Variants in PRICKLE1 observed in about 807,000 individuals in gnomAD.
PRICKLE1 encodes the protein prickle-like protein 1.
PRICKLE1 carries 14 observed loss-of-function variants against 70.2 expected under a neutral mutation model. The ratio of observed to expected loss-of-function variants is 0.20; its 90% confidence interval spans 0.13 to 0.31. The LOEUF (loss-of-function observed/expected upper bound fraction) is 0.31. PRICKLE1 is among the 10% of genes least tolerant of loss of function. The pLI is 1.00. For synonymous variants in PRICKLE1, 357 were observed against 379.9 expected (o/e 0.94, Z 0.70); for missense variants, 821 against 1,026.2 (o/e 0.80, Z 2.73).
chr12:42,493,186 A>T (rs1350532714), intron 1 of PRICKLE1, among the ~76,000 whole-genome samples: 1 of 152,120 alleles, frequency 6.6e-6, no homozygotes, highest in Non-Finnish European at 1.5e-5. Flanking sequence ...AACTATAGTC[A>T]ATAATAATTG....
At chr12:42,487,327 C>T (rs1476028813) in intron 1 of PRICKLE1, among the ~76,000 whole-genome samples, 1 of 152,222 alleles carries the variant, frequency 6.6e-6, no homozygotes, top group Non-Finnish European at 1.5e-5. Flanking sequence ...AAGGCAGATA[C>T]CAAGCTCTTC....
chr12:42,496,033 T>G (rs146911911), intron 1 of PRICKLE1, among the ~76,000 whole-genome samples: 1,574 of 152,370 alleles, frequency 0.01, 11 homozygotes, highest in Non-Finnish European at 0.015. Context: ...GCAGAAAGTT[T>G]TCAGTTTACT....
chr12:42,569,272 T>G (rs1940670175), intron 1 of PRICKLE1, among the ~76,000 whole-genome samples: 1 of 152,242 alleles, frequency 6.6e-6, no homozygotes, highest in Admixed American at 6.5e-5. Context: ...TGGAATCATT[T>G]TACATTTAAA....
At chr12:42,541,512 A>T (rs150854292) in intron 1 of PRICKLE1, among the ~76,000 whole-genome samples, 1 of 151,464 alleles carries the variant, frequency 6.6e-6, no homozygotes, top group Admixed American at 6.6e-5. Context: ...TAATTTTTAC[A>T]TTTTTTGTAG....
At chr12:42,519,448 G>A (rs778854612) in intron 1 of PRICKLE1, among the ~76,000 whole-genome samples, 2 of 151,964 alleles carry the variant, frequency 1.3e-5, no homozygotes, top group Non-Finnish European at 2.9e-5. Flanking sequence ...CATGCGCCTC[G>A]GCCTCCCAAA....
chr12:42,574,447 T>A (rs988645980), intron 1 of PRICKLE1, among the ~76,000 whole-genome samples: 1 of 152,226 alleles, frequency 6.6e-6, no homozygotes, highest in Non-Finnish European at 1.5e-5. Context: ...CAAAGCAAAT[T>A]GTGTCTGGTT....
chr12:42,537,314 A>G (rs748764128), intron 1 of PRICKLE1, among the ~76,000 whole-genome samples: 1 of 151,986 alleles, frequency 6.6e-6, no homozygotes, highest in African/African-American at 2.4e-5. Flanking sequence ...GTGCACCACC[A>G]TGCTCAGCTA....
chr12:42,492,873 T>C (rs1416675034), intron 1 of PRICKLE1, among the ~76,000 whole-genome samples: 1 of 152,208 alleles, frequency 6.6e-6, no homozygotes, highest in Non-Finnish European at 1.5e-5. Flanking sequence ...TGAGATACTC[T>C]GGCCTGGTAC....
intron 1 of PRICKLE1, among the ~76,000 whole-genome samples, chr12:42,505,655 G>A (rs971923026): frequency 6.6e-6 from 1 of 152,080 alleles, no homozygotes; most frequent in Non-Finnish European, 1.5e-5. Context: ...AGGCTGGTCT[G>A]AAACTCCTGA....
chr12:42,505,001 G>A (rs1431485159), intron 1 of PRICKLE1, among the ~76,000 whole-genome samples: 5 of 152,052 alleles, frequency 3.3e-5, no homozygotes, highest in Non-Finnish European at 5.9e-5. Context: ...TTAGCCGAGC[G>A]TGGTGGCGGG....
chr12:42,459,449 T>C lies in PRICKLE1; in HGVS notation c.*360A>G, dbSNP rs1026542931. The C allele has an allele frequency of 1.5e-6, 1 of 685,888 alleles. No homozygotes were observed. 42.5% of individuals were successfully genotyped at this position (685,888 alleles called of 1,614,324 possible). ...GACTTACATAAATGACAAACACTAGTGCTTTACAAAGGTGGCTGGAGTTCT... is the reference window on the plus strand; with the variant it reads ...GACTTACATAAATGACAAACACTAGCGCTTTACAAAGGTGGCTGGAGTTCT... On this transcript the variant is annotated 3_prime_UTR_variant, in exon 8 of 8. Transcript: ENST00000345127.
chr12:42,462,734 C>G (rs534763969), intron 7 of PRICKLE1, among the ~76,000 whole-genome samples: 1 of 152,146 alleles, frequency 6.6e-6, no homozygotes, highest in Non-Finnish European at 1.5e-5. Flanking sequence ...CCTTTCCTGT[C>G]TACATTACAG....
chr12:42,554,741 C>A (rs1358925281), intron 1 of PRICKLE1, among the ~76,000 whole-genome samples: 1 of 152,220 alleles, frequency 6.6e-6, no homozygotes, highest in Admixed American at 6.5e-5. Flanking sequence ...GCCCAATTCT[C>A]TTCGTGGTGA....
At chr12:42,500,253 A>C (rs539001546) in intron 1 of PRICKLE1, among the ~76,000 whole-genome samples, 30 of 152,348 alleles carry the variant, frequency 2.0e-4, no homozygotes, top group African/African-American at 7.0e-4. Context: ...TGACACCCTG[A>C]GCTTTCTGAA....
chr12:42,514,055 A>G (rs1254201922), intron 1 of PRICKLE1, among the ~76,000 whole-genome samples: 1 of 152,178 alleles, frequency 6.6e-6, no homozygotes, highest in Non-Finnish European at 1.5e-5. Flanking sequence ...ATCTCATTGT[A>G]TATTAGGAAG....
At chr12:42,529,511 T>C (rs1307317968) in intron 1 of PRICKLE1, among the ~76,000 whole-genome samples, 1 of 152,246 alleles carries the variant, frequency 6.6e-6, no homozygotes, top group Non-Finnish European at 1.5e-5. Context: ...TTGTTTAAAA[T>C]GCCAAAGGAT....
chr12:42,574,497 T>C (rs976001263), intron 1 of PRICKLE1, among the ~76,000 whole-genome samples: 1 of 152,250 alleles, frequency 6.6e-6, no homozygotes, highest in Non-Finnish European at 1.5e-5. Flanking sequence ...CGCTTTGAAA[T>C]TGGCATGTTC....
chr12:42,554,347 A>C (rs1294055851), intron 1 of PRICKLE1, among the ~76,000 whole-genome samples: 1 of 152,252 alleles, frequency 6.6e-6, no homozygotes, highest in African/African-American at 2.4e-5. Flanking sequence ...ATGACTAAAA[A>C]AAGGAAAAAG....
At chr12:42,535,590 G>T (rs188184548) in intron 1 of PRICKLE1, among the ~76,000 whole-genome samples, 1 of 152,114 alleles carries the variant, frequency 6.6e-6, no homozygotes, top group African/African-American at 2.4e-5. Context: ...CTTCCTTAGG[G>T]GCAGGCAGCC....
Sources: allele counts gnomAD v4.1 joint callset (sites outside exome capture counted in the v4.1 genomes callset), GRCh38; gene constraint gnomAD v4.1.1; transcripts MANE v1.5; gene names NCBI Gene and HGNC (gene_info 2026-07-23, HGNC 2026-07-21).